The following FAM193A variants were observed in gnomAD, a reference collection of about 807,000 sequenced individuals.
FAM193A encodes family with sequence similarity 193 member A, also known as protein FAM193A.
In FAM193A, 22 loss-of-function variants were observed where a neutral mutation model predicts 126.5. The ratio of observed to expected loss-of-function variants is 0.17; its 90% confidence interval spans 0.12 to 0.25. The LOEUF (loss-of-function observed/expected upper bound fraction) is 0.25, where lower values mean the gene tolerates loss of function less well. Ranked by LOEUF, FAM193A falls within the 10% of genes least tolerant of loss-of-function variation. The probability of loss-of-function intolerance (pLI) is 1.00; values close to 1 mark genes in which losing one functional copy is unlikely to be tolerated. For missense variants in FAM193A, 1,675 were observed against 1,672.8 expected, an observed-to-expected ratio of 1.00 and a Z score of -0.02; for synonymous variants, 761 against 646.8, an observed-to-expected ratio of 1.18 and a Z score of -2.68.
chr4:2,626,608 A>G (rs1163990009), intron 4 of FAM193A, 31 bp downstream of exon 4: 4 of 676,012 alleles, frequency 5.9e-6, no homozygotes, highest in Middle Eastern at 3.5e-4. Context: ...TTGTGGCCCC[A>G]TGCAAACCCC....
intron 1 of FAM193A, among the ~76,000 whole-genome samples, chr4:2,581,674 C>G (rs1739949023): frequency 6.6e-6 from 1 of 151,988 alleles, no homozygotes; most frequent in Non-Finnish European, 1.5e-5. Flanking sequence ...GAGACGGAGT[C>G]TCGCTCTGTC....
chr4:2,605,798 C>G (rs1222425013), intron 2 of FAM193A, among the ~76,000 whole-genome samples: 1 of 151,858 alleles, frequency 6.6e-6, no homozygotes, highest in Non-Finnish European at 1.5e-5. Flanking sequence ...ATGGCGAAAC[C>G]TCGTCTCTAC....
chr4:2,639,805 T>G lies in FAM193A; in HGVS notation c.1109T>G (p.Val370Gly). The G allele has an allele frequency of 6.2e-7, 1 of 1,614,132 alleles. No homozygotes were observed. The highest frequency in any genetic ancestry group is 8.5e-7 in the Non-Finnish European group (1 of 1,179,994). The change falls in exon 6 of 21, where the codon GTC (valine) becomes GGC (glycine). Residue 370 changes from valine to glycine, a missense_variant. This residue lies in a region of FAM193A where 1,186 missense variants were observed against 1,109.2 expected (regional missense o/e 1.07). Coordinates refer to ENST00000637812, the MANE Select transcript of FAM193A (RefSeq NM_001366318.2). ...AATAAACACCTGTTTGAAAATCTGG[T>G]CTTTTCGGAGCCACTTCTTCAGAGC... ...LHNKHLFENL[V>G]FSEPLLQSNL...
At chr4:2,581,085 C>T (rs1047927961) in intron 1 of FAM193A, among the ~76,000 whole-genome samples, 32 of 151,430 alleles carry the variant, frequency 2.1e-4, no homozygotes, top group African/African-American at 6.5e-4. Flanking sequence ...GCTGAGATTG[C>T]GCCACTGCAC....
intron 19 of FAM193A, among the ~76,000 whole-genome samples, chr4:2,705,986 A>G (rs1718255412): frequency 3.9e-5 from 6 of 152,178 alleles, no homozygotes; most frequent in Admixed American, 3.9e-4. Context: ...CAGGAGGATC[A>G]TTCGAGCCCA....
chr4:2,672,338 C>T lies in FAM193A; in HGVS notation c.2297C>T (p.Thr766Ile). The T allele has an allele frequency of 6.2e-7, 1 of 1,614,214 alleles. No individual in the cohort carries two copies. The highest frequency in any genetic ancestry group is 1.1e-5 in the South Asian group (1 of 91,082). Residue 766 changes from threonine (T) to isoleucine (I), a missense_variant, in exon 13 of 21, where the codon ACC (threonine) becomes ATC (isoleucine). By Grantham distance (89) the Thr-to-Ile change is moderately conservative. Transcript: ENST00000637812. ...CTGCCACGCCCTCTCATCCACCCCA[C>T]CTTGTATGCAACGCCCCCCTTCACA... is the stretch of plus-strand genomic sequence containing the variant. The part of the protein sequence containing the change: ...PHLPRPLIHP[T>I]LYATPPFTHS...
intron 20 of FAM193A, among the ~76,000 whole-genome samples, chr4:2,716,308 TC>T (rs1254904394): frequency 6.6e-6 from 1 of 152,160 alleles, no homozygotes; most frequent in African/African-American, 2.4e-5. Context: ...CACAATCACT[TC>T]TGCTCCCCCT....
chr4:2,719,770 TCCTCCCTC>T (rs147495184), intron 20 of FAM193A, among the ~76,000 whole-genome samples: 1 of 127,136 alleles, frequency 7.9e-6, no homozygotes, highest in African/African-American at 3.5e-5. Context: ...CCTCCTTCCT[TCCTCCCTC>T]CCTCCCTCCC....
intron 2 of FAM193A, among the ~76,000 whole-genome samples, chr4:2,609,997 C>T (rs1741768542): frequency 6.6e-6 from 1 of 151,008 alleles, no homozygotes; most frequent in African/African-American, 2.4e-5. Flanking sequence ...TTTGGGAGGC[C>T]GAGGCAGATG....
At chr4:2,701,217 C>T (rs1170372641) in intron 19 of FAM193A, among the ~76,000 whole-genome samples, 1 of 150,618 alleles carries the variant, frequency 6.6e-6, no homozygotes, top group African/African-American at 2.4e-5. Context: ...GACACTGATC[C>T]AATGCTATTC....
At chr4:2,710,088 T>C (rs1004996981) in intron 19 of FAM193A, among the ~76,000 whole-genome samples, 3 of 152,030 alleles carry the variant, frequency 2.0e-5, no homozygotes, top group Non-Finnish European at 4.4e-5. Context: ...TTTGCTTAAG[T>C]TAATAGTTTA....
chr4:2,701,236 T>C (rs1359552914), intron 19 of FAM193A, among the ~76,000 whole-genome samples: 1 of 151,064 alleles, frequency 6.6e-6, no homozygotes, highest in Non-Finnish European at 1.5e-5. Flanking sequence ...TCTCTAATTG[T>C]AGACCTTACT....
chr4:2,731,730 G>A lies in FAM193A; in HGVS notation c.4455-45G>A, dbSNP rs199741014. ...GGCTTTGCCAAGCACCAGCTTGGTT[G>A]TGGGCTGTTTCCTTCAGTGACTGTT... On this transcript the variant is annotated intron_variant, in intron 20 of 20. Transcript: ENST00000637812. 2.9e-5 allele frequency: 42 copies of A among 1,468,644 alleles called. 1 individual carries two copies. The East Asian group carries it at 8.8e-4, about 31-fold the overall frequency. 91.0% of individuals were successfully genotyped at this position (1,468,644 alleles called of 1,614,324 possible). A position where few individuals can be genotyped will look rare whatever the true frequency, so the allele number is the denominator to read the frequency against.
At chr4:2,621,025 C>T (rs901114789) in intron 2 of FAM193A, among the ~76,000 whole-genome samples, 1 of 151,886 alleles carries the variant, frequency 6.6e-6, no homozygotes, top group Non-Finnish European at 1.5e-5. Context: ...TGTCATTATG[C>T]CCCACTGGGT....
chr4:2,543,619 G>A (rs1737366719), intron 1 of FAM193A, among the ~76,000 whole-genome samples: 1 of 151,998 alleles, frequency 6.6e-6, no homozygotes, highest in African/African-American at 2.4e-5. Context: ...CACTTTGGGA[G>A]GCTGAGGTGG....
chr4:2,720,459 C>T (rs554242568), intron 20 of FAM193A, among the ~76,000 whole-genome samples: 1 of 152,138 alleles, frequency 6.6e-6, no homozygotes, highest in South Asian at 2.1e-4. Context: ...TGAGACCAGC[C>T]TGAGCAACAT....
Position 2,591,564 on chromosome 4 carries a change from T to C in FAM193A, c.256-4520T>C, listed in dbSNP as rs552338309. 3.3e-5 allele frequency among the ~76,000 whole-genome samples: 5 copies of C among 152,296 alleles called. No homozygotes were observed. In the South Asian group the frequency reaches 1.0e-3, roughly 32 times the overall value. On this transcript the variant is annotated intron_variant, in intron 1 of 20. Coordinates refer to ENST00000637812, the MANE Select transcript of FAM193A (RefSeq NM_001366318.2). ...CATTAGCCTTCATAGGGCGGTCTAA[T>C]CTGGGTTGTGCTGCTGTTACCCGAG...
chr4:2,634,904 T>C (rs1743939731), intron 5 of FAM193A, among the ~76,000 whole-genome samples: 1 of 152,242 alleles, frequency 6.6e-6, no homozygotes, highest in Non-Finnish European at 1.5e-5. Flanking sequence ...ATGTACTCCT[T>C]ACCCAGATGC....
chr4:2,663,348 C>T (rs879265536), intron 12 of FAM193A, 60 bp downstream of exon 12: 15 of 1,343,020 alleles, frequency 1.1e-5, no homozygotes, highest in Non-Finnish European at 1.5e-5. Context: ...TTTCTCTAAA[C>T]ATGAGCATTA....
Sources: gnomAD v4.1 joint callset for allele counts (sites outside exome capture counted in the v4.1 genomes callset) on GRCh38, gnomAD v4.1.1 for gene constraint, gnomAD v4.1.1 regional missense constraint, MANE v1.5 for transcripts, NCBI Gene and HGNC (gene_info 2026-07-23, HGNC 2026-07-21) for gene names.